Variants in ATP11A observed in about 807,000 individuals in gnomAD.
ATP11A encodes the protein ATPase phospholipid transporting 11A.
ATP11A carries 81 observed loss-of-function variants against 154.4 expected under a neutral mutation model. That is an observed-to-expected ratio of 0.52 (90% CI 0.44 to 0.63). The LOEUF is 0.63. Ranked by LOEUF, ATP11A falls within the 30% of genes least tolerant of loss-of-function variation. The probability of loss-of-function intolerance (pLI) is 0.00; values close to 1 mark genes in which losing one functional copy is unlikely to be tolerated. For synonymous variants in ATP11A, 623 were observed against 585.9 expected, an observed-to-expected ratio of 1.06 and a Z score of -0.91; for missense variants, 1,316 against 1,474.3, an observed-to-expected ratio of 0.89 and a Z score of 1.76.
chr13:112,785,311 G>C lies in ATP11A; in HGVS notation c.162+54G>C, dbSNP rs546993460. ...AATGTGTCTAAAAAGCAGCTGCCGG[G>C]GGGTGTTAGTGCTTCTCGGTTTCAA... On this transcript the variant is annotated intron_variant, in intron 2 of 29. Coordinates refer to ENST00000375645, the MANE Select transcript of ATP11A (RefSeq NM_015205.3). This position sits in a 1 kb window ranked among gnomAD's most constrained non-coding sequence, Gnocchi z 4.8. 2 of 1,378,184 alleles carry C rather than the reference G, an allele frequency of 1.5e-6. No homozygotes were observed. Among genetic ancestry groups the C allele is most frequent in the Middle Eastern group, 1.9e-4 (1 of 5,158 alleles). The allele number at this position is 1,378,184 out of a possible 1,614,324, so 85.4% of individuals were successfully genotyped here.
At chr13:112,692,150 C>G (rs1885272451) in intron 1 of ATP11A, among the ~76,000 whole-genome samples, 1 of 152,162 alleles carries the variant, frequency 6.6e-6, no homozygotes, top group Non-Finnish European at 1.5e-5. Context: ...TCAGTTGTGT[C>G]GCTCAGAAGT....
At chr13:112,760,100 TC>T (rs769730053) in intron 1 of ATP11A, among the ~76,000 whole-genome samples, 2 of 152,334 alleles carry the variant, frequency 1.3e-5, no homozygotes, top group African/African-American at 4.8e-5. Flanking sequence ...CAGTGTGTCA[TC>T]CCCGAGCCGG....
intron 1 of ATP11A, among the ~76,000 whole-genome samples, chr13:112,780,923 C>T (rs1028939872): frequency 6.6e-6 from 1 of 152,126 alleles, no homozygotes; most frequent in African/African-American, 2.4e-5. Flanking sequence ...TCTGGGAACG[C>T]GGAGAGAGAG....
chr13:112,808,475 C>T (rs367994763), intron 4 of ATP11A, among the ~76,000 whole-genome samples: 1 of 151,560 alleles, frequency 6.6e-6, no homozygotes, highest in Non-Finnish European at 1.5e-5. Flanking sequence ...AGAGCCCCCC[C>T]ACCCCCTCGA....
rs1422847475 is a variant in ATP11A, at chr13:112,838,106, C to A, written c.1705+1855C>A. Among the ~76,000 whole-genome samples, 1 of 152,154 alleles carries A rather than the reference C, an allele frequency of 6.6e-6. No homozygotes were observed. The highest frequency in any genetic ancestry group is 1.5e-5 in the Non-Finnish European group (1 of 68,024). On this transcript the variant is annotated intron_variant, in intron 16 of 29. Transcript: ENST00000375645. The surrounding 1 kb of genome is among the most constrained non-coding windows in gnomAD (Gnocchi z 7.3). ...CTGTGTGTGAATGTTGCCAGGACTCCCACGAAGAGCTTTTGCCAGCCAGAC... is the reference window on the plus strand; with the variant it reads ...CTGTGTGTGAATGTTGCCAGGACTCACACGAAGAGCTTTTGCCAGCCAGAC...
intron 1 of ATP11A, among the ~76,000 whole-genome samples, chr13:112,720,581 C>T (rs1029203143): frequency 8.6e-5 from 13 of 151,920 alleles, no homozygotes; most frequent in South Asian, 4.1e-4. Context: ...TTTTTTGAGA[C>T]GGAGTCTCGC....
intron 1 of ATP11A, among the ~76,000 whole-genome samples, chr13:112,747,778 G>T (rs573384108): frequency 6.6e-6 from 1 of 152,232 alleles, no homozygotes; most frequent in Non-Finnish European, 1.5e-5. Flanking sequence ...GGTGGTTGCA[G>T]TGTTCAGAGA....
intron 1 of ATP11A, among the ~76,000 whole-genome samples, chr13:112,740,331 C>T (rs949480372): frequency 1.3e-5 from 2 of 152,216 alleles, no homozygotes; most frequent in South Asian, 4.1e-4. Context: ...CGCACCACCA[C>T]ACCCGGCTAA....
rs1258903589 is a variant in ATP11A at position 112,753,668 on chromosome 13, G to T, written c.40-31467G>T. Among the ~76,000 whole-genome samples, 17 of 152,074 alleles carry T rather than the reference G, an allele frequency of 1.1e-4. No individual in the cohort carries two copies. Among genetic ancestry groups the T allele is most frequent in the Admixed American group, 1.1e-3 (17 of 15,268 alleles). On this transcript the variant is annotated intron_variant, in intron 1 of 29. Transcript: ENST00000375645. The surrounding 1 kb of genome is among the most constrained non-coding windows in gnomAD (Gnocchi z 4.1). ...TTTCATTTGGGTTGTGTCTTGAGGA[G>T]CTCTTTATATACTTCTTTATTCTTG...
chr13:112,754,531 C>A lies in ATP11A; in HGVS notation c.40-30604C>A. On this transcript the variant is annotated intron_variant, in intron 1 of 29. Transcript: ENST00000375645. The surrounding 1 kb of genome is among the most constrained non-coding windows in gnomAD (Gnocchi z 5.3). ...CATGCTTGGAAAGTGGTGCTTAGAG[C>A]CAGGCAGGACTCACTGCGGCTCCTG... The A allele has an allele frequency of 6.2e-6, 1 of 161,650 alleles. No homozygotes were observed. 10.0% of individuals were successfully genotyped at this position (161,650 alleles called of 1,614,324 possible). A position where few individuals can be genotyped will look rare whatever the true frequency, so the allele number is the denominator to read the frequency against.
intron 27 of ATP11A, among the ~76,000 whole-genome samples, chr13:112,874,294 G>A (rs1032820325): frequency 4.6e-5 from 7 of 152,234 alleles, no homozygotes; most frequent in African/African-American, 1.7e-4. Flanking sequence ...GGACCAGGCT[G>A]CAGAGCAGGC....
At chr13:112,865,259 G>A (rs2080287736) in intron 25 of ATP11A, among the ~76,000 whole-genome samples, 1 of 147,990 alleles carries the variant, frequency 6.8e-6, no homozygotes, top group African/African-American at 2.5e-5. Context: ...CAGTAATTCA[G>A]TGCGGCCCAT....
Position 112,878,248 on chromosome 13 carries a change from C to T in ATP11A, c.3359C>T (p.Ser1120Leu), listed in dbSNP as rs753562908. ...TKSQCLSVEQ[S>L]TIFMLSQTSS... ...AGCCAGTGCCTTTCTGTCGAGCAGT[C>T]AACCATCTTTATGCTTTCTCAGACT... The change falls in exon 29 of 30, where the codon TCA becomes TTA. Residue 1120 changes from serine (S) to leucine (L), a missense_variant. By Grantham distance (145) the Ser-to-Leu change is moderately radical (BLOSUM62 -2). Transcript: ENST00000375645. 6.2e-6 allele frequency: 10 copies of T among 1,614,244 alleles called. No individual in the cohort carries two copies. In the South Asian group the frequency reaches 7.7e-5, roughly 12 times the overall value.
intron 1 of ATP11A, among the ~76,000 whole-genome samples, chr13:112,731,706 G>A (rs111914980): frequency 3.9e-5 from 6 of 152,256 alleles, no homozygotes; most frequent in East Asian, 1.9e-4. Context: ...GGCCTGTCAC[G>A]TCCTATCCTA....
At chr13:112,817,283 A>G (rs1274709582) in intron 6 of ATP11A, among the ~76,000 whole-genome samples, 2 of 152,236 alleles carry the variant, frequency 1.3e-5, no homozygotes. Context: ...ACTATGAGAT[A>G]GAGACATTTT....
Position 112,859,222 on chromosome 13 carries a change from T to C in ATP11A, c.2668-171T>C. On this transcript the variant is annotated intron_variant, in intron 22 of 29. Coordinates refer to ENST00000375645, the MANE Select transcript of ATP11A (RefSeq NM_015205.3). This position sits in a 1 kb window ranked among gnomAD's most constrained non-coding sequence, Gnocchi z 4.3. ...TGGCCAAAACGTGGTCACATGTGCA[T>C]TTCAGTTGCCCCTGAAATAAGAGAA... 1.5e-6 allele frequency: 1 copy of C among 650,542 alleles called. No homozygotes were observed. The highest frequency in any genetic ancestry group is 2.8e-6 in the Non-Finnish European group (1 of 356,254). 40.3% of individuals were successfully genotyped at this position (650,542 alleles called of 1,614,324 possible). A position where few individuals can be genotyped will look rare whatever the true frequency, so the allele number is the denominator to read the frequency against.
chr13:112,756,604 C>T (rs2076840064), intron 1 of ATP11A, among the ~76,000 whole-genome samples: 1 of 152,236 alleles, frequency 6.6e-6, no homozygotes, highest in Non-Finnish European at 1.5e-5. Flanking sequence ...CGATTTCAGA[C>T]CGCTGGTGGC....
chr13:112,766,884 GA>G (rs1164229194), intron 1 of ATP11A, among the ~76,000 whole-genome samples: 25 of 10,542 alleles, frequency 2.4e-3, no homozygotes, highest in South Asian at 0.011. Context: ...GGAGTGCTGG[GA>G]GCCCCTGTGG....
chr13:112,875,925 C>A lies in ATP11A; in HGVS notation c.3311C>A (p.Ala1104Glu), dbSNP rs1452193723. The A allele has an allele frequency of 6.2e-7, 1 of 1,611,926 alleles. No homozygotes were observed. Among genetic ancestry groups the A allele is most frequent in the Non-Finnish European group, 8.5e-7 (1 of 1,179,976 alleles). The change falls in exon 28 of 30, where the codon GCA becomes GAA. Residue 1104 changes from alanine to glutamate, a missense_variant. Around this residue, in one of 5 missense-constraint regions of ATP11A, gnomAD observed 294 missense variants for 290.2 expected, o/e 1.01. Coordinates refer to ENST00000375645, the MANE Select transcript of ATP11A (RefSeq NM_015205.3). The surrounding 1 kb of genome is among the most constrained non-coding windows in gnomAD (Gnocchi z 4.1). ...KVLCRQLWPT[A>E]TERVQTKSQC... The stretch of plus-strand genomic sequence containing the variant: ...CTGTGCCGGCAGCTGTGGCCAACAG[C>A]AACAGAGAGAGTCCAGGTACGGAGT...
Sources: gnomAD v4.1 joint callset for allele counts (sites outside exome capture counted in the v4.1 genomes callset) on GRCh38, gnomAD v4.1.1 for gene constraint, gnomAD v4.1.1 regional missense constraint, Gnocchi (gnomAD v3.1) non-coding constraint, MANE v1.5 for transcripts, NCBI Gene and HGNC (gene_info 2026-07-23, HGNC 2026-07-21) for gene names.